Variants in REV3L observed in about 807,000 individuals in gnomAD.
REV3L encodes the protein DNA polymerase zeta catalytic subunit.
In REV3L, 69 loss-of-function variants were observed where a neutral mutation model predicts 299.4. That is an observed-to-expected ratio of 0.23 (90% CI 0.19 to 0.28). The LOEUF (loss-of-function observed/expected upper bound fraction) is 0.28, where lower values mean the gene tolerates loss of function less well. Ranked by LOEUF, REV3L falls within the 10% of genes least tolerant of loss-of-function variation. The probability of loss-of-function intolerance (pLI) is 1.00; values close to 1 mark genes in which losing one functional copy is unlikely to be tolerated. For synonymous variants in REV3L, 1,238 were observed against 1,271.4 expected (o/e 0.97, Z 0.56); for missense variants, 3,128 against 3,693.8 (o/e 0.85, Z 3.97).
rs1330605985 is a variant in REV3L, at chr6:111,306,733, A to AT, written c.9252+627dup. ...TTAATCATCTACCTGGACTCACAGA[A>AT]TTATAAACCTTCCAAGTTTACTAGC... On this transcript the variant is annotated intron_variant, in intron 31 of 31. Transcript: ENST00000368802. 4.6e-5 allele frequency among the ~76,000 whole-genome samples: 7 copies of AT among 152,338 alleles called. No individual in the cohort carries two copies. In the East Asian group the frequency reaches 1.4e-3, roughly 29 times the overall value.
At chr6:111,470,609 ACACTAAG>A (rs1173110587) in intron 1 of REV3L, among the ~76,000 whole-genome samples, 1 of 152,200 alleles carries the variant, frequency 6.6e-6, no homozygotes, top group Non-Finnish European at 1.5e-5. Context: ...TATTTTCAAA[ACACTAAG>A]CATTATCAAC....
chr6:111,474,998 C>T (rs200255397), intron 1 of REV3L, among the ~76,000 whole-genome samples: 62,790 of 150,426 alleles, frequency 0.42, 15,342 homozygotes, highest in Non-Finnish European at 0.56. Flanking sequence ...TACACACACA[C>T]ACACACACAC....
chr6:111,396,018 T>C (rs1481215938), intron 4 of REV3L, among the ~76,000 whole-genome samples: 1 of 151,892 alleles, frequency 6.6e-6, no homozygotes, highest in Non-Finnish European at 1.5e-5. Flanking sequence ...TGAACAATCC[T>C]TGCACCCCTG....
At chr6:111,449,767 A>G (rs886845687) in intron 1 of REV3L, among the ~76,000 whole-genome samples, 3 of 152,186 alleles carry the variant, frequency 2.0e-5, no homozygotes, top group African/African-American at 4.8e-5. Flanking sequence ...TAAAAATACA[A>G]TGATATCCAG....
intron 1 of REV3L, among the ~76,000 whole-genome samples, chr6:111,416,967 T>C (rs1013623575): frequency 9.2e-5 from 14 of 151,894 alleles, no homozygotes; most frequent in African/African-American, 3.1e-4. Context: ...AATTTTGCTA[T>C]TGCAGTGGGA....
chr6:111,386,717 A>ATTTT (rs67124715), intron 9 of REV3L, among the ~76,000 whole-genome samples: 18 of 97,644 alleles, frequency 1.8e-4, no homozygotes, highest in Non-Finnish European at 2.8e-4. Flanking sequence ...TAACAGCACT[A>ATTTT]TTTTTTTTTT....
Position 111,333,108 on chromosome 6 carries a change from T to C in REV3L, c.7925+15A>G. On this transcript the variant is annotated intron_variant, in intron 23 of 31. Transcript: ENST00000368802. ...AAGCACAACAATATTATTGTAAATG[T>C]GAAAAAAACCTTACTTTCCCAAGTT... The C allele has an allele frequency of 6.2e-7, 1 of 1,611,212 alleles. No homozygotes were observed. Among genetic ancestry groups the C allele is most frequent in the Non-Finnish European group, 8.5e-7 (1 of 1,178,680 alleles).
At chr6:111,327,381 C>G (rs890656294) in intron 25 of REV3L, among the ~76,000 whole-genome samples, 1 of 151,890 alleles carries the variant, frequency 6.6e-6, no homozygotes, top group Non-Finnish European at 1.5e-5. Flanking sequence ...AGGGCGAAAC[C>G]CCATCTCTAC....
intron 9 of REV3L, 35 bp downstream of exon 9, chr6:111,387,730 T>C (rs1483419024): frequency 1.3e-6 from 2 of 1,583,378 alleles, no homozygotes; most frequent in Admixed American, 1.7e-5. Flanking sequence ...ATATCTGTTC[T>C]AGTAGTTTCT....
intron 1 of REV3L, among the ~76,000 whole-genome samples, chr6:111,458,798 A>C (rs897763034): frequency 6.6e-6 from 1 of 152,036 alleles, no homozygotes; most frequent in African/African-American, 2.4e-5. Context: ...CACACAAATG[A>C]AAACATATTT....
chr6:111,319,210 C>G (rs1773864381), intron 26 of REV3L, among the ~76,000 whole-genome samples: 1 of 152,126 alleles, frequency 6.6e-6, no homozygotes, highest in African/African-American at 2.4e-5. Context: ...TGCCTGTAAT[C>G]CCAGCACTTT....
At position 111,302,541 on chromosome 6, in the gene REV3L, G is replaced by A. The variant is rs375728434; in HGVS notation, c.9253-2385C>T. On this transcript the variant is annotated intron_variant, in intron 31 of 31. Transcript: ENST00000368802. The stretch of plus-strand genomic sequence containing the variant: ...CATCTACTTTGTAGCACATAGGGAG[G>A]CAGGCACTTAAAAAATATCTGCTTT... Among the ~76,000 whole-genome samples, 465 of 152,246 alleles carry A rather than the reference G, an allele frequency of 3.1e-3. 1 individual carries two copies. The highest frequency in any genetic ancestry group is 5.2e-3 in the Non-Finnish European group (354 of 68,012).
chr6:111,482,964 C>CA lies in REV3L; in HGVS notation c.-77dup. ...GCAGCAGCGGCGGCGGCTCCCTCCG[C>CA]AGCGGCGGCGGCGCCCCCTCCCCTT... On this transcript the variant is annotated 5_prime_UTR_variant, in exon 1 of 32. Transcript: ENST00000368802. 7.0e-7 allele frequency: 1 copy of CA among 1,427,296 alleles called. No individual in the cohort carries two copies. Among genetic ancestry groups the CA allele is most frequent in the Non-Finnish European group, 9.1e-7 (1 of 1,095,628 alleles). The allele number at this position is 1,427,296 out of a possible 1,614,324, so 88.4% of individuals were successfully genotyped here. A position where few individuals can be genotyped will look rare whatever the true frequency, so the allele number is the denominator to read the frequency against.
At chr6:111,309,650 A>C in intron 30 of REV3L, 1 of 491,708 alleles carries the variant, frequency 2.0e-6, no homozygotes, top group South Asian at 3.6e-5. Flanking sequence ...CCTCACCTAG[A>C]TCTGTGGGGG....
At chr6:111,350,895 C>T (rs1032123714) in intron 19 of REV3L, among the ~76,000 whole-genome samples, 1 of 151,848 alleles carries the variant, frequency 6.6e-6, no homozygotes, top group Non-Finnish European at 1.5e-5. Context: ...TCTTTTTATT[C>T]CAATTTTTTG....
intron 1 of REV3L, among the ~76,000 whole-genome samples, chr6:111,425,938 A>T (rs570229983): frequency 2.0e-5 from 3 of 152,354 alleles, no homozygotes; most frequent in African/African-American, 7.2e-5. Context: ...TGATACTATG[A>T]TATAAGAAGA....
chr6:111,433,476 T>C (rs1222284458), intron 1 of REV3L, among the ~76,000 whole-genome samples: 1 of 152,004 alleles, frequency 6.6e-6, no homozygotes, highest in African/African-American at 2.4e-5. Flanking sequence ...AAATGGATAA[T>C]TTCCTGGACA....
At chr6:111,457,183 T>C (rs189563423) in intron 1 of REV3L, among the ~76,000 whole-genome samples, 173 of 152,170 alleles carry the variant, frequency 1.1e-3, no homozygotes, top group Non-Finnish European at 2.2e-3. Context: ...TACATAGTTA[T>C]AGGAGAGAAA....
chr6:111,453,420 G>T (rs1322233856), intron 1 of REV3L, among the ~76,000 whole-genome samples: 33 of 152,240 alleles, frequency 2.2e-4, no homozygotes, highest in Non-Finnish European at 7.4e-5. Flanking sequence ...TCATGGAGAC[G>T]TAGGGGGCTC....
Sources: allele counts gnomAD v4.1 joint callset (sites outside exome capture counted in the v4.1 genomes callset), GRCh38; gene constraint gnomAD v4.1.1; transcripts MANE v1.5; gene names NCBI Gene and HGNC (gene_info 2026-07-23, HGNC 2026-07-21).